The following INSC variants were observed in gnomAD, a reference collection of about 807,000 sequenced individuals.
INSC encodes the protein INSC spindle orientation adaptor protein, also known as protein inscuteable homolog.
In INSC, 67 loss-of-function variants were observed where a neutral mutation model predicts 58.6. The ratio of observed to expected loss-of-function variants is 1.14; its 90% CI spans 0.94 to 1.40. The LOEUF is 1.40. INSC is among the 40% of genes most tolerant of loss of function. The pLI is 0.00. For missense variants in INSC, 714 were observed against 692.0 expected (o/e 1.03, Z -0.36); for synonymous variants, 262 against 276.1 (o/e 0.95, Z 0.51).
intron 9 of INSC, among the ~76,000 whole-genome samples, chr11:15,234,262 C>T (rs1434493716): frequency 6.6e-6 from 1 of 152,162 alleles, no homozygotes; most frequent in Non-Finnish European, 1.5e-5. Flanking sequence ...TTGTCACACA[C>T]ACAGATGCTG....
At chr11:15,247,733 G>GTATATATATATA (rs57312382), downstream of INSC, among the ~76,000 whole-genome samples, 247 of 127,490 alleles carry the variant, frequency 1.9e-3, 4 homozygotes, top group African/African-American at 5.6e-3. Flanking sequence ...TAGAAATAAG[G>GTATATATATATA]TATATATATA....
At chr11:15,248,450 C>T (rs1852615185), downstream of INSC, among the ~76,000 whole-genome samples, 1 of 152,188 alleles carries the variant, frequency 6.6e-6, no homozygotes, top group African/African-American at 2.4e-5. Context: ...CCTCACAGAG[C>T]TCCTGAATGT....
At chr11:15,115,858 T>G (rs61877963) in intron 1 of INSC, among the ~76,000 whole-genome samples, 2 of 152,232 alleles carry the variant, frequency 1.3e-5, no homozygotes, top group South Asian at 4.1e-4. Flanking sequence ...TGCACCCACT[T>G]TGTTCAATGC....
intron 10 of INSC, among the ~76,000 whole-genome samples, chr11:15,238,559 G>A (rs544550222): frequency 2.0e-5 from 3 of 152,068 alleles, no homozygotes; most frequent in South Asian, 2.1e-4. Flanking sequence ...CTTCTTTCTG[G>A]GCTTCAAAAT....
Position 15,246,039 on chromosome 11 carries a change from A to G in INSC, c.1598A>G (p.Ter533TrpextTer1). ...AGCAACATGGAGGAGAGTTTTGTGT[A>G]GTGAGTGTGGGCGAAGAAATACATT... is the stretch of plus-strand genomic sequence containing the variant. ...LCSNMEESFV[*>W] is the part of the protein sequence containing the mutation. Residue 533 changes from the stop codon to tryptophan (W), a stop_lost, in exon 13 of 13, where the codon TAG (stop) becomes TGG (tryptophan). Coordinates refer to ENST00000379556, the MANE Select transcript of INSC (RefSeq NM_001042536.3). 6.2e-7 allele frequency: 1 copy of G among 1,614,120 alleles called. No individual in the cohort carries two copies. The highest frequency in any genetic ancestry group is 8.5e-7 in the Non-Finnish European group (1 of 1,179,986).
At chr11:15,242,488 C>A (rs115299957) in intron 12 of INSC, among the ~76,000 whole-genome samples, 6 of 152,108 alleles carry the variant, frequency 3.9e-5, no homozygotes, top group Non-Finnish European at 1.5e-5. Flanking sequence ...CCCCATGGAA[C>A]CTTTCTGTGG....
rs542525515 is a variant in INSC at position 15,208,010 on chromosome 11, C to T, written c.819+7061C>T. On this transcript the variant is annotated intron_variant, in intron 7 of 12. Coordinates refer to ENST00000379556, the MANE Select transcript of INSC (RefSeq NM_001042536.3). Reference sequence around the variant, plus strand: ...CCTGGTCCCATTAGGTGAATGGTGTCATAGTGTGCAGATCCCAAAGCAAAG... The same window carrying T: ...CCTGGTCCCATTAGGTGAATGGTGTTATAGTGTGCAGATCCCAAAGCAAAG... Among the ~76,000 whole-genome samples, 7 of 152,228 alleles carry T rather than the reference C, an allele frequency of 4.6e-5. No homozygotes were observed. The South Asian group carries it at 1.2e-3, about 27-fold the overall frequency.
intron 4 of INSC, 106 bp downstream of exon 4, chr11:15,177,269 G>T: frequency 5.8e-6 from 5 of 855,024 alleles, no homozygotes; most frequent in Non-Finnish European, 7.8e-6. Context: ...AGGCGTGGTG[G>T]TGGTTTCAGA....
chr11:15,180,856 T>A (rs1849754850), intron 5 of INSC, among the ~76,000 whole-genome samples: 1 of 152,192 alleles, frequency 6.6e-6, no homozygotes, highest in Admixed American at 6.5e-5. Flanking sequence ...TCATAATATA[T>A]TTTTGGCTGA....
the INSC span, among the ~76,000 whole-genome samples, chr11:15,260,909 G>C: frequency 2.6e-5 from 4 of 152,168 alleles, no homozygotes; most frequent in African/African-American, 7.2e-5. Flanking sequence ...AATTAATATA[G>C]AGTCTAAAGA....
In INSC at chr11:15,240,503, G is replaced by A. The variant is rs201482506; in HGVS notation, c.1450G>A (p.Ala484Thr). Residue 484 changes from alanine to threonine, a missense_variant, in exon 12 of 13, where the codon GCC becomes ACC. Transcript: ENST00000379556. ...RSPSERNSSD[A>T]VLVACLAALR... ...CCCATCAGAGAGGAACAGCAGTGAC[G>A]CCGTGCTTGTGGCCTGCCTGGTGAG... 1.7e-4 allele frequency: 274 copies of A among 1,613,654 alleles called. 1 individual carries two copies. The East Asian group carries it at 3.9e-3, about 23-fold the overall frequency.
chr11:15,147,225 C>T (rs1792538), intron 1 of INSC, among the ~76,000 whole-genome samples: 47,611 of 151,976 alleles, frequency 0.31, 7,986 homozygotes, highest in Non-Finnish European at 0.38. Context: ...TTTTCTTTTG[C>T]GCCATCCCTT....
chr11:15,125,054 A>G (rs1847959871), intron 1 of INSC, among the ~76,000 whole-genome samples: 2 of 152,196 alleles, frequency 1.3e-5, no homozygotes, highest in Admixed American at 6.5e-5. Context: ...TGTGAATACC[A>G]TGGAGAAATA....
intron 2 of INSC, among the ~76,000 whole-genome samples, chr11:15,164,783 C>T (rs1230753157): frequency 6.6e-6 from 1 of 151,974 alleles, no homozygotes. Context: ...CCATAATTCC[C>T]ATGTGTTGTG....
At chr11:15,126,454 C>G (rs1847997403) in intron 1 of INSC, among the ~76,000 whole-genome samples, 1 of 152,134 alleles carries the variant, frequency 6.6e-6, no homozygotes, top group Non-Finnish European at 1.5e-5. Context: ...ATATTCAGGT[C>G]TGGGCTCTGG....
chr11:15,211,836 A>T (rs562391006), intron 7 of INSC, among the ~76,000 whole-genome samples: 1 of 151,904 alleles, frequency 6.6e-6, no homozygotes, highest in East Asian at 1.9e-4. Flanking sequence ...ATAGTGATAC[A>T]TGCATGAGTC....
chr11:15,150,727 G>A (rs1848623286), intron 2 of INSC, among the ~76,000 whole-genome samples: 1 of 152,200 alleles, frequency 6.6e-6, no homozygotes, highest in Non-Finnish European at 1.5e-5. Flanking sequence ...TGGTCTGACA[G>A]GGTGTGGTGG....
At chr11:15,144,523 G>A (rs1045648553) in intron 1 of INSC, among the ~76,000 whole-genome samples, 1 of 152,152 alleles carries the variant, frequency 6.6e-6, no homozygotes. Context: ...TCAACTCCCA[G>A]CAGCCTCCTC....
chr11:15,167,206 G>A (rs990888830), intron 2 of INSC, among the ~76,000 whole-genome samples: 9 of 151,968 alleles, frequency 5.9e-5, no homozygotes, highest in African/African-American at 2.2e-4. Context: ...GGCTGGGTGG[G>A]GGTTCTCGAG....
Sources: gnomAD v4.1 joint callset for allele counts (sites outside exome capture counted in the v4.1 genomes callset) on GRCh38, gnomAD v4.1.1 for gene constraint, MANE v1.5 for transcripts, NCBI Gene and HGNC (gene_info 2026-07-23, HGNC 2026-07-21) for gene names.